The following TPCN1 variants were observed in gnomAD, a reference collection of about 807,000 sequenced individuals.
The protein encoded by TPCN1 is two pore channel protein 1.
A neutral mutation model predicts 108.8 loss-of-function variants in TPCN1; 52 were observed. The ratio of observed to expected loss-of-function variants is 0.48; its 90% CI spans 0.38 to 0.60. The LOEUF is 0.60. TPCN1 is among the 20% of genes least tolerant of loss of function. The pLI, the probability that TPCN1 is intolerant of heterozygous loss-of-function variation, is 0.00. For synonymous variants in TPCN1, 446 were observed against 433.7 expected, an observed-to-expected ratio of 1.03 and a Z score of -0.35; for missense variants, 806 against 1,072.8, an observed-to-expected ratio of 0.75 and a Z score of 3.47.
In TPCN1 at chr12:113,288,710, C is replaced by G; in HGVS notation, c.1707-48C>G. On this transcript the variant is annotated intron_variant, in intron 20 of 27. Coordinates refer to ENST00000335509, the MANE Select transcript of TPCN1 (RefSeq NM_017901.6). This position sits in a 1 kb window ranked among gnomAD's most constrained non-coding sequence, Gnocchi z 4.8. ...GAGGAGGCCGGGGCTGCAGAGGAGC[C>G]GTTCCCTCCTGCCGGCCCCGCGTCA... 6.2e-7 allele frequency: 1 copy of G among 1,604,034 alleles called. No homozygotes were observed. Among genetic ancestry groups the G allele is most frequent in the Non-Finnish European group, 8.5e-7 (1 of 1,178,164 alleles).
intron 2 of TPCN1, among the ~76,000 whole-genome samples, chr12:113,236,658 A>C (rs1028246176): frequency 1.3e-4 from 20 of 151,672 alleles, no homozygotes; most frequent in Admixed American, 5.2e-4. Flanking sequence ...TCTGAGACCC[A>C]CACCCTGGAC....
At chr12:113,267,405 T>G (rs1052533620) in intron 4 of TPCN1, among the ~76,000 whole-genome samples, 1 of 148,728 alleles carries the variant, frequency 6.7e-6, no homozygotes, top group African/African-American at 2.4e-5. Flanking sequence ...TTTTCTTACT[T>G]TTTTTTTTTT....
At chr12:113,255,852 T>C (rs971547740) in intron 2 of TPCN1, among the ~76,000 whole-genome samples, 1 of 151,906 alleles carries the variant, frequency 6.6e-6, no homozygotes, top group African/African-American at 2.4e-5. Flanking sequence ...TGAGACAGGA[T>C]CTTGCTCTGT....
chr12:113,267,732 ATG>A (rs374658554), intron 4 of TPCN1, 109 bp from the exon 5 acceptor site: 2 of 692,962 alleles, frequency 2.9e-6, no homozygotes. Flanking sequence ...TAACTCTGAT[ATG>A]TGTTGGGAGG....
At chr12:113,238,829 G>A (rs1207113654) in intron 2 of TPCN1, among the ~76,000 whole-genome samples, 1 of 152,184 alleles carries the variant, frequency 6.6e-6, no homozygotes, top group Non-Finnish European at 1.5e-5. Context: ...GATGAATTAG[G>A]TAATTTAAAA....
At chr12:113,243,750 A>C (rs1216297702) in intron 2 of TPCN1, among the ~76,000 whole-genome samples, 1 of 152,154 alleles carries the variant, frequency 6.6e-6, no homozygotes, top group Non-Finnish European at 1.5e-5. Flanking sequence ...GTGAGACTCC[A>C]TCTCAAAAAT....
intron 27 of TPCN1, among the ~76,000 whole-genome samples, chr12:113,295,746 A>G (rs1956403637): frequency 6.6e-6 from 1 of 152,172 alleles, no homozygotes; most frequent in Admixed American, 6.5e-5. Flanking sequence ...ACCTCCAGAC[A>G]CTAGGGAAAG....
intron 3 of TPCN1, among the ~76,000 whole-genome samples, chr12:113,263,832 C>T (rs113555569): frequency 0.011 from 1,703 of 152,286 alleles, 15 homozygotes; most frequent in Non-Finnish European, 0.014. Flanking sequence ...AACTGGCCTT[C>T]CTTATTTTTC....
At chr12:113,223,181 A>G (rs1953323123) in intron 1 of TPCN1, among the ~76,000 whole-genome samples, 1 of 152,250 alleles carries the variant, frequency 6.6e-6, no homozygotes, top group Non-Finnish European at 1.5e-5. Context: ...TGCTGGGCAG[A>G]GAGCTACGGG....
intron 24 of TPCN1, 35 bp downstream of exon 24, chr12:113,291,712 C>G (rs773346874): frequency 6.2e-7 from 1 of 1,605,318 alleles, no homozygotes. Context: ...CTTTGTCCTT[C>G]GTCTTCCACA....
intron 27 of TPCN1, chr12:113,294,181 C>T (rs891285596): frequency 1.3e-5 from 2 of 152,232 alleles, no homozygotes; most frequent in Admixed American, 6.6e-5. Flanking sequence ...AACCCCTGGG[C>T]TCAAGTGATC....
intron 14 of TPCN1, among the ~76,000 whole-genome samples, chr12:113,279,317 ATGTGTG>A (rs139888878): frequency 1.4e-4 from 16 of 111,460 alleles, no homozygotes; most frequent in African/African-American, 3.1e-4. Context: ...GTATATATAT[ATGTGTG>A]TGTGTGTGTG....
At chr12:113,234,439 T>C (rs1039020546) in intron 2 of TPCN1, among the ~76,000 whole-genome samples, 1 of 152,198 alleles carries the variant, frequency 6.6e-6, no homozygotes, top group Admixed American at 6.5e-5. Flanking sequence ...CTGAGGGCAG[T>C]GATCCTCTGA....
At chr12:113,283,139 A>T (rs2136708696) in intron 15 of TPCN1, among the ~76,000 whole-genome samples, 1 of 152,332 alleles carries the variant, frequency 6.6e-6, no homozygotes, top group Non-Finnish European at 1.5e-5. Context: ...TCTACCAAAA[A>T]AAGTATATTG....
intron 10 of TPCN1, among the ~76,000 whole-genome samples, chr12:113,274,162 G>A (rs1253498350): frequency 1.3e-5 from 2 of 152,184 alleles, no homozygotes; most frequent in African/African-American, 2.4e-5. Context: ...GTAAATAGTT[G>A]TTATACTGGG....
At position 113,285,898 on chromosome 12, in the gene TPCN1, T is replaced by G. The variant is rs780371301; in HGVS notation, c.1463T>G (p.Val488Gly). 135 of 1,613,040 alleles carry G rather than the reference T, an allele frequency of 8.4e-5. No individual in the cohort carries two copies. The highest frequency in any genetic ancestry group is 1.8e-4 in the Middle Eastern group (1 of 5,668). ...TTCCTTCTGTCCACAGTCTATGGGG[T>G]GGAGCTGTTCCTGAAGGTTGCCGGC... is the stretch of plus-strand genomic sequence containing the variant. ...SYLVFLTIYG[V>G]ELFLKVAGLG... The change falls in exon 18 of 28, where the codon GTG becomes GGG. Residue 488 changes from valine to glycine, a missense_variant. By Grantham distance (109) the Val-to-Gly change is moderately radical. Transcript: ENST00000335509.
At chr12:113,291,720 A>G (rs773929692) in intron 24 of TPCN1, 43 bp downstream of exon 24, 1 of 1,601,614 alleles carries the variant, frequency 6.2e-7, no homozygotes, top group South Asian at 1.1e-5. Flanking sequence ...TTCGTCTTCC[A>G]CATCACCAGC....
chr12:113,238,536 C>T (rs1006170799), intron 2 of TPCN1, among the ~76,000 whole-genome samples: 1 of 152,198 alleles, frequency 6.6e-6, no homozygotes, highest in African/African-American at 2.4e-5. Flanking sequence ...CTCTTGCTAT[C>T]CACCTGCCTC....
intron 1 of TPCN1, among the ~76,000 whole-genome samples, chr12:113,224,420 C>T (rs1398270661): frequency 1.3e-5 from 2 of 152,084 alleles, no homozygotes; most frequent in Non-Finnish European, 2.9e-5. Flanking sequence ...TATTTTGAGA[C>T]GAGTCTCGCT....
Sources: allele counts gnomAD v4.1 joint callset (sites outside exome capture counted in the v4.1 genomes callset), GRCh38; gene constraint gnomAD v4.1.1; non-coding constraint Gnocchi (gnomAD v3.1); transcripts MANE v1.5; gene names NCBI Gene and HGNC (gene_info 2026-07-23, HGNC 2026-07-21).